The following SCEL variants were observed in gnomAD, a reference collection of about 807,000 sequenced individuals.
SCEL encodes sciellin.
Under a neutral mutation model 117.6 loss-of-function variants are expected in SCEL, and 113 were observed. That is an observed-to-expected ratio of 0.96 (90% CI 0.83 to 1.12). The LOEUF (loss-of-function observed/expected upper bound fraction) is 1.12. Ranked by LOEUF, SCEL falls within the 50% of genes most tolerant of loss-of-function variation. The pLI, the probability that SCEL is intolerant of heterozygous loss-of-function variation, is 0.00. For missense variants in SCEL, 785 were observed against 810.8 expected (o/e 0.97, Z 0.39); for synonymous variants, 270 against 256.2 (o/e 1.05, Z -0.51).
chr13:77,577,922 T>C (rs2086044955), intron 9 of SCEL, among the ~76,000 whole-genome samples: 1 of 152,218 alleles, frequency 6.6e-6, no homozygotes, highest in East Asian at 1.9e-4. Flanking sequence ...TCCTGTTAAC[T>C]ACTTATGCCA....
chr13:77,633,040 A>T lies in SCEL; in HGVS notation c.1692-1339A>T, dbSNP rs537900904. ...CTTGATAAAAAGGGCAATGTTAGCT[A>T]ATGTGGCACATACCTATAGATTATT... On this transcript the variant is annotated intron_variant, in intron 28 of 32. Coordinates refer to ENST00000349847, the MANE Select transcript of SCEL (RefSeq NM_144777.3). Among the ~76,000 whole-genome samples, 34 of 152,346 alleles carry T rather than the reference A, an allele frequency of 2.2e-4. 1 individual carries two copies. The highest frequency in any genetic ancestry group is 2.1e-3 in the Admixed American group (32 of 15,308).
At chr13:77,578,379 G>A (rs2086075177) in intron 9 of SCEL, among the ~76,000 whole-genome samples, 1 of 151,952 alleles carries the variant, frequency 6.6e-6, no homozygotes, top group Non-Finnish European at 1.5e-5. Context: ...CAGAGAAAGG[G>A]CTTTCATGTC....
At chr13:77,576,623 T>G (rs564998882) in intron 9 of SCEL, among the ~76,000 whole-genome samples, 2 of 152,312 alleles carry the variant, frequency 1.3e-5, no homozygotes, top group Admixed American at 6.5e-5. Flanking sequence ...CTCAATGTGT[T>G]CAAAATGAAA....
intron 19 of SCEL, 81 bp from the exon 20 acceptor site, chr13:77,607,975 A>G: frequency 8.9e-7 from 1 of 1,125,204 alleles, no homozygotes; most frequent in Non-Finnish European, 1.3e-6. Flanking sequence ...CTGAGTTTTA[A>G]TGAAATAGCT....
At chr13:77,556,050 T>C (rs1253387345) in intron 2 of SCEL, 132 bp downstream of exon 2, 1 of 567,302 alleles carries the variant, frequency 1.8e-6, no homozygotes, top group Admixed American at 3.1e-5. Context: ...ATTGCAAAGT[T>C]AGGCTTAAGA....
chr13:77,569,030 G>A (rs113852107), intron 7 of SCEL, among the ~76,000 whole-genome samples: 23 of 152,204 alleles, frequency 1.5e-4, no homozygotes, highest in African/African-American at 4.1e-4. Context: ...GCAAAAAACC[G>A]CAACATAATT....
At chr13:77,623,326 C>A (rs1007320730) in intron 27 of SCEL, 1 of 152,142 alleles carries the variant, frequency 6.6e-6, no homozygotes, top group African/African-American at 2.4e-5. Flanking sequence ...CTAGAACTTT[C>A]TATTTTGCAT....
intron 9 of SCEL, among the ~76,000 whole-genome samples, chr13:77,577,218 T>C (rs2085996624): frequency 6.6e-6 from 1 of 152,208 alleles, no homozygotes; most frequent in Non-Finnish European, 1.5e-5. Context: ...TGTATTACTC[T>C]GTTGCCACAC....
At chr13:77,591,302 C>G in intron 10 of SCEL, 93 bp from the exon 11 acceptor site, 1 of 820,496 alleles carries the variant, frequency 1.2e-6, no homozygotes, top group East Asian at 2.7e-5. Context: ...AAACACTGAT[C>G]TTTTTGTACA....
At chr13:77,540,335 A>G (rs1337657067) in intron 1 of SCEL, among the ~76,000 whole-genome samples, 2 of 151,968 alleles carry the variant, frequency 1.3e-5, no homozygotes, top group Non-Finnish European at 2.9e-5. Flanking sequence ...CAATGTGTGA[A>G]TGTGTGCGGG....
chr13:77,582,447 C>T (rs1347286126), intron 9 of SCEL, among the ~76,000 whole-genome samples: 4 of 152,090 alleles, frequency 2.6e-5, no homozygotes, highest in African/African-American at 7.2e-5. Context: ...AGGCTGGTCT[C>T]GAACTCCTGA....
chr13:77,561,726 T>C (rs565361378), intron 4 of SCEL, among the ~76,000 whole-genome samples: 21 of 152,260 alleles, frequency 1.4e-4, no homozygotes, highest in Middle Eastern at 3.4e-3. Context: ...TAGAGGTGTG[T>C]GAGTGCACTA....
Position 77,591,398 on chromosome 13 carries a change from G to A in SCEL, c.630G>A (p.Gln210=). 1 of 1,571,734 alleles carries A rather than the reference G, an allele frequency of 6.4e-7. No homozygotes were observed. Among genetic ancestry groups the A allele is most frequent in the Non-Finnish European group, 8.7e-7 (1 of 1,143,908 alleles). The change falls in exon 11 of 33, where the codon CAG becomes CAA. Residue 210 remains glutamine (Q), a synonymous_variant. Coordinates refer to ENST00000349847, the MANE Select transcript of SCEL (RefSeq NM_144777.3). ...SPNQLRQDNR[Q]IHPPKPGVYT... ...TCTTCTAACTTTGAAAATATAGGCA[G>A]ATACATCCACCTAAACCAGGTGTAT...
chr13:77,593,624 A>G (rs760619423), intron 12 of SCEL, 51 bp downstream of exon 12: 4 of 1,389,920 alleles, frequency 2.9e-6, no homozygotes, highest in South Asian at 1.2e-5. Context: ...TGGTGTTTCA[A>G]AAATGCTTAA....
rs187198111 is a variant in SCEL at position 77,622,804 on chromosome 13, G to A, written c.1628+4744G>A. Among the ~76,000 whole-genome samples, 316 of 152,288 alleles carry A rather than the reference G, an allele frequency of 2.1e-3. 1 individual carries two copies. Among genetic ancestry groups the A allele is most frequent in the Middle Eastern group, 0.017 (5 of 294 alleles). ...TTGAGTCCAGGAGTTCGAGACTGCAGTGAGCTATGACAGCACCATTACACT... is the reference window on the plus strand; with the variant it reads ...TTGAGTCCAGGAGTTCGAGACTGCAATGAGCTATGACAGCACCATTACACT... On this transcript the variant is annotated intron_variant, in intron 27 of 32. Transcript: ENST00000349847.
At chr13:77,593,370 C>A in intron 11 of SCEL, 144 bp from the exon 12 acceptor site, 3 of 504,392 alleles carry the variant, frequency 5.9e-6, no homozygotes, top group Admixed American at 3.2e-5. Flanking sequence ...ATAATAGAAC[C>A]ATTTTGTCAT....
intron 28 of SCEL, among the ~76,000 whole-genome samples, chr13:77,630,651 G>A (rs1005611663): frequency 1.3e-5 from 2 of 152,124 alleles, no homozygotes; most frequent in Admixed American, 6.6e-5. Context: ...ATTCTCACAC[G>A]CAGTGTATGA....
At chr13:77,602,029 C>T (rs2087741805) in intron 15 of SCEL, 36 bp from the exon 16 acceptor site, 26 of 1,567,792 alleles carry the variant, frequency 1.7e-5, no homozygotes, top group Non-Finnish European at 2.3e-5. Flanking sequence ...TTGCCTCACT[C>T]TCTCTTTCTC....
chr13:77,588,521 A>G (rs921573152), intron 9 of SCEL, among the ~76,000 whole-genome samples: 5 of 152,326 alleles, frequency 3.3e-5, no homozygotes, highest in South Asian at 4.1e-4. Context: ...AAATGTGCAC[A>G]TAATTGCCCA....
Sources: allele counts gnomAD v4.1 joint callset (sites outside exome capture counted in the v4.1 genomes callset), GRCh38; gene constraint gnomAD v4.1.1; transcripts MANE v1.5; gene names NCBI Gene and HGNC (gene_info 2026-07-23, HGNC 2026-07-21).